Variants in GSTA5 observed in about 807,000 individuals in gnomAD.
GSTA5 encodes glutathione S-transferase A5.
Under a neutral mutation model 21.8 loss-of-function variants are expected in GSTA5, and 25 were observed. That is an observed-to-expected ratio of 1.14 (90% CI 0.83 to 1.60). GSTA5 has a LOEUF of 1.60. Ranked by LOEUF, GSTA5 falls within the 40% of genes most tolerant of loss-of-function variation. The pLI is 0.00. For missense variants in GSTA5, 330 were observed against 259.2 expected (o/e 1.27, Z -1.88); for synonymous variants, 102 against 89.5 (o/e 1.14, Z -0.78).
upstream of GSTA5, among the ~76,000 whole-genome samples, chr6:52,845,280 G>A (rs1200307216): frequency 6.6e-6 from 1 of 152,092 alleles, no homozygotes; most frequent in Non-Finnish European, 1.5e-5. Context: ...TAGTCCCATG[G>A]TTCTCAACTG....
upstream of GSTA5, among the ~76,000 whole-genome samples, chr6:52,842,783 G>A (rs553755382): frequency 2.0e-5 from 3 of 152,170 alleles, no homozygotes; most frequent in East Asian, 5.8e-4. Context: ...TTAAATTCTG[G>A]GGTACATGTG....
chr6:52,846,052 G>T, the GSTA5 span: 1 of 157,528 alleles, frequency 6.3e-6, no homozygotes, highest in African/African-American at 2.4e-5. Flanking sequence ...TATAAGATCA[G>T]TACTTAGTTT....
At chr6:52,845,922 C>G in the GSTA5 span, 1 of 152,608 alleles carries the variant, frequency 6.6e-6, no homozygotes, top group South Asian at 2.1e-4. Flanking sequence ...GAACTGTCAC[C>G]CAAACACACC....
At chr6:52,838,502 T>C (rs1178501444) in intron 1 of GSTA5, among the ~76,000 whole-genome samples, 1 of 152,232 alleles carries the variant, frequency 6.6e-6, no homozygotes. Flanking sequence ...TTGATCTACA[T>C]CCAGTAACTT....
At chr6:52,845,269 G>A (rs1764438433), upstream of GSTA5, among the ~76,000 whole-genome samples, 2 of 152,144 alleles carry the variant, frequency 1.3e-5, 1 homozygote, top group South Asian at 4.1e-4. Flanking sequence ...ATGAATTCAT[G>A]TAGTCCCATG....
upstream of GSTA5, among the ~76,000 whole-genome samples, chr6:52,842,468 G>A (rs4236108): frequency 0.98 from 146,662 of 148,960 alleles, 72,244 homozygotes; most frequent in East Asian, 1. Context: ...GTGCTATGGT[G>A]CAATCTCAGC....
At chr6:52,842,914 A>C (rs991923554), upstream of GSTA5, among the ~76,000 whole-genome samples, 4 of 152,028 alleles carry the variant, frequency 2.6e-5, no homozygotes, top group African/African-American at 9.7e-5. Flanking sequence ...CCCCCACCCC[A>C]CTATAGGTCC....
At chr6:52,841,046 T>A (rs894485913), upstream of GSTA5, among the ~76,000 whole-genome samples, 1 of 152,208 alleles carries the variant, frequency 6.6e-6, no homozygotes, top group African/African-American at 2.4e-5. Flanking sequence ...TGTTTACCTG[T>A]GACTTTTCTT....
At chr6:52,845,268 T>C (rs1764438390), upstream of GSTA5, among the ~76,000 whole-genome samples, 1 of 152,138 alleles carries the variant, frequency 6.6e-6, no homozygotes, top group Non-Finnish European at 1.5e-5. Flanking sequence ...CATGAATTCA[T>C]GTAGTCCCAT....
At chr6:52,837,490 G>T in intron 2 of GSTA5, 68 bp downstream of exon 2, 5 of 993,986 alleles carry the variant, frequency 5.0e-6, no homozygotes, top group Admixed American at 1.8e-5. Flanking sequence ...GGTATTCCTG[G>T]CTGCTCAACG....
upstream of GSTA5, among the ~76,000 whole-genome samples, chr6:52,841,633 A>T (rs1316422954): frequency 1.3e-5 from 2 of 152,262 alleles, no homozygotes; most frequent in African/African-American, 4.8e-5. Flanking sequence ...ATGTTGCTGC[A>T]TTAACTTTGC....
upstream of GSTA5, among the ~76,000 whole-genome samples, chr6:52,844,184 G>A (rs1374406719): frequency 6.6e-6 from 1 of 152,214 alleles, no homozygotes; most frequent in Non-Finnish European, 1.5e-5. Context: ...CTTGGTGAGT[G>A]TTGGGTCAGC....
At chr6:52,834,076 C>A in intron 4 of GSTA5, 65 bp downstream of exon 4, 1 of 1,584,204 alleles carries the variant, frequency 6.3e-7, no homozygotes, top group South Asian at 1.1e-5. Context: ...CCAGGAATGC[C>A]CAGCCACTAT....
chr6:52,837,728 A>G (rs184798669), intron 1 of GSTA5, 119 bp from the exon 2 acceptor site: 4 of 727,066 alleles, frequency 5.5e-6, no homozygotes, highest in South Asian at 1.8e-5. Context: ...GTTTCGCAGG[A>G]TATACAGAGG....
chr6:52,839,308 C>G (rs1055374951), intron 1 of GSTA5, among the ~76,000 whole-genome samples: 12 of 152,172 alleles, frequency 7.9e-5, no homozygotes, highest in Admixed American at 4.6e-4. Context: ...CTGGGTTCCT[C>G]CCAGCCTTGC....
At chr6:52,837,471 A>C (rs1050621802) in intron 2 of GSTA5, 87 bp downstream of exon 2, 11 of 821,646 alleles carry the variant, frequency 1.3e-5, no homozygotes, top group Middle Eastern at 2.3e-4. Context: ...ATCACCCCCC[A>C]CACACATAGG....
At chr6:52,834,578 T>C (rs1764267427) in intron 3 of GSTA5, among the ~76,000 whole-genome samples, 1 of 152,112 alleles carries the variant, frequency 6.6e-6, no homozygotes. Flanking sequence ...GTCACAGTCA[T>C]GAGAGAAATT....
chr6:52,844,294 A>G (rs141595440), upstream of GSTA5, among the ~76,000 whole-genome samples: 389 of 152,132 alleles, frequency 2.6e-3, 2 homozygotes, highest in African/African-American at 9.0e-3. Flanking sequence ...TTTTCTATTC[A>G]TAGTATATTA....
upstream of GSTA5, among the ~76,000 whole-genome samples, chr6:52,842,682 GGCGTGAGCCACT>G (rs1423658979): frequency 6.6e-6 from 1 of 152,104 alleles, no homozygotes; most frequent in Non-Finnish European, 1.5e-5. Flanking sequence ...TGGAATTACA[GGCGTGAGCCACT>G]GCACCCGCCG....
Sources: allele counts gnomAD v4.1 joint callset (sites outside exome capture counted in the v4.1 genomes callset), GRCh38; gene constraint gnomAD v4.1.1; transcripts MANE v1.5; gene names NCBI Gene and HGNC (gene_info 2026-07-23, HGNC 2026-07-21).